MAN1C1: variants seen among roughly 807,000 people sequenced by gnomAD.
MAN1C1 encodes mannosidase alpha class 1C member 1, also known as mannosyl-oligosaccharide 1,2-alpha-mannosidase IC.
In MAN1C1, 49 loss-of-function variants were observed where a neutral mutation model predicts 71.5. The ratio of observed to expected loss-of-function variants is 0.69; its 90% CI spans 0.54 to 0.87. The LOEUF is 0.87. Ranked by LOEUF, MAN1C1 falls within the 40% of genes least tolerant of loss-of-function variation. The probability of loss-of-function intolerance (pLI) is 0.00; values close to 1 mark genes in which losing one functional copy is unlikely to be tolerated. For synonymous variants in MAN1C1, 352 were observed against 343.7 expected, an observed-to-expected ratio of 1.02 and a Z score of -0.27; for missense variants, 743 against 835.0, an observed-to-expected ratio of 0.89 and a Z score of 1.36.
chr1:25,624,309 G>GT (rs1459418954), intron 1 of MAN1C1, among the ~76,000 whole-genome samples: 7 of 152,154 alleles, frequency 4.6e-5, no homozygotes, highest in Non-Finnish European at 1.0e-4. Flanking sequence ...TGAGATTGCT[G>GT]TTAAGTCAGA....
At chr1:25,683,834 C>A (rs2046190229) in intron 1 of MAN1C1, among the ~76,000 whole-genome samples, 1 of 152,194 alleles carries the variant, frequency 6.6e-6, no homozygotes, top group South Asian at 2.1e-4. Flanking sequence ...CTGAGCCACC[C>A]ATGGCCGGAG....
intron 6 of MAN1C1, among the ~76,000 whole-genome samples, chr1:25,761,883 A>G (rs1193285455): frequency 1.3e-5 from 2 of 151,914 alleles, no homozygotes; most frequent in Non-Finnish European, 2.9e-5. Flanking sequence ...TCGGCCTCCC[A>G]AAGTGCTGGG....
chr1:25,640,491 C>G (rs1445836876), intron 1 of MAN1C1, among the ~76,000 whole-genome samples: 1 of 152,134 alleles, frequency 6.6e-6, no homozygotes, highest in Non-Finnish European at 1.5e-5. Context: ...TGTCACATAC[C>G]TTACAGAGCT....
intron 2 of MAN1C1, among the ~76,000 whole-genome samples, chr1:25,736,490 C>T (rs1179930857): frequency 1.3e-5 from 2 of 152,090 alleles, no homozygotes; most frequent in Admixed American, 6.6e-5. Context: ...ATCACCATAC[C>T]ACCCTAAAAG....
chr1:25,636,911 T>C (rs924855773), intron 1 of MAN1C1, among the ~76,000 whole-genome samples: 7 of 152,158 alleles, frequency 4.6e-5, no homozygotes, highest in African/African-American at 1.2e-4. Flanking sequence ...TCCCAGTACT[T>C]TGGGAGGCCG....
At chr1:25,652,477 G>A (rs1322447251) in intron 1 of MAN1C1, among the ~76,000 whole-genome samples, 1 of 152,200 alleles carries the variant, frequency 6.6e-6, no homozygotes, top group African/African-American at 2.4e-5. Flanking sequence ...CAGGCTGGAG[G>A]CCCCCAGCAC....
chr1:25,648,789 C>G (rs549851354), intron 1 of MAN1C1, among the ~76,000 whole-genome samples: 1 of 152,332 alleles, frequency 6.6e-6, no homozygotes, highest in East Asian at 1.9e-4. Flanking sequence ...AAAAAATCTC[C>G]TCATGTGCCT....
intron 1 of MAN1C1, among the ~76,000 whole-genome samples, chr1:25,663,112 T>A (rs1215224458): frequency 6.7e-6 from 1 of 148,188 alleles, no homozygotes; most frequent in Non-Finnish European, 1.5e-5. Flanking sequence ...TATACATATA[T>A]ATATTTTATT....
intron 2 of MAN1C1, among the ~76,000 whole-genome samples, chr1:25,697,534 A>G (rs767897304): frequency 6.6e-6 from 1 of 152,208 alleles, no homozygotes; most frequent in Non-Finnish European, 1.5e-5. Context: ...GCTTTTGTGT[A>G]GACATAGGTT....
chr1:25,637,272 T>G (rs910899545), intron 1 of MAN1C1, among the ~76,000 whole-genome samples: 2 of 152,248 alleles, frequency 1.3e-5, no homozygotes, highest in Non-Finnish European at 2.9e-5. Flanking sequence ...TTATTAATTT[T>G]CAGTCTTTAT....
chr1:25,666,320 G>A (rs762191269), intron 1 of MAN1C1, among the ~76,000 whole-genome samples: 21 of 152,010 alleles, frequency 1.4e-4, no homozygotes, highest in African/African-American at 3.9e-4. Context: ...TTTTCACTTA[G>A]TGACTTCACA....
In MAN1C1 at chr1:25,735,832, G is replaced by T. The variant is rs56094751; in HGVS notation, c.638-10836G>T. Among the ~76,000 whole-genome samples, 1 of 152,218 alleles carries T rather than the reference G, an allele frequency of 6.6e-6. No individual in the cohort carries two copies. The highest frequency in any genetic ancestry group is 1.5e-5 in the Non-Finnish European group (1 of 68,036). ...AGCCCAGCCATGCAAGCATGTTTCA[G>T]ATCATGTCCTCTAATCCCTGTGGCA... On this transcript the variant is annotated intron_variant, in intron 2 of 11. Transcript: ENST00000374332. This position sits in a 1 kb window ranked among gnomAD's most constrained non-coding sequence, Gnocchi z 4.6.
At chr1:25,628,134 G>A (rs891748739) in intron 1 of MAN1C1, among the ~76,000 whole-genome samples, 2 of 151,870 alleles carry the variant, frequency 1.3e-5, no homozygotes, top group African/African-American at 4.8e-5. Flanking sequence ...CTATGAATGT[G>A]GTATCTGTCT....
intron 4 of MAN1C1, among the ~76,000 whole-genome samples, chr1:25,752,170 A>C (rs1475410092): frequency 2.0e-5 from 3 of 152,028 alleles, no homozygotes; most frequent in Non-Finnish European, 4.4e-5. Flanking sequence ...TTGGCACGGC[A>C]CTTCACAGTT....
At chr1:25,677,024 G>C (rs1373755565) in intron 1 of MAN1C1, among the ~76,000 whole-genome samples, 3 of 152,160 alleles carry the variant, frequency 2.0e-5, no homozygotes, top group Non-Finnish European at 2.9e-5. Context: ...ATCTGTGCCT[G>C]GGTGATCGAT....
intron 2 of MAN1C1, among the ~76,000 whole-genome samples, chr1:25,713,904 T>C (rs1481393649): frequency 6.6e-6 from 1 of 152,156 alleles, no homozygotes; most frequent in Non-Finnish European, 1.5e-5. Context: ...TGACTGGAGC[T>C]TCCGAGGGAG....
rs182999067 is a variant in MAN1C1, at chr1:25,744,767, C to T, written c.638-1901C>T. 4.1e-4 allele frequency among the ~76,000 whole-genome samples: 63 copies of T among 152,334 alleles called. No individual in the cohort carries two copies. The East Asian group carries it at 0.012, about 29-fold the overall frequency. On this transcript the variant is annotated intron_variant, in intron 2 of 11. Transcript: ENST00000374332. ...TCAACACAAGTGAGCAGTTAGGAAG[C>T]ACTCATTAAGGAGATTAGAGGCTAA...
intron 2 of MAN1C1, among the ~76,000 whole-genome samples, chr1:25,737,402 C>A (rs892136943): frequency 2.0e-5 from 3 of 152,102 alleles, no homozygotes; most frequent in Non-Finnish European, 2.9e-5. Context: ...CCCATTTCGC[C>A]CCCCCGACAG....
At chr1:25,763,777 C>A in intron 6 of MAN1C1, 97 bp from the exon 7 acceptor site, 1 of 927,866 alleles carries the variant, frequency 1.1e-6, no homozygotes, top group South Asian at 1.4e-5. Flanking sequence ...AGGTTTCCTC[C>A]ATGCATCTGA....
Sources: allele counts gnomAD v4.1 joint callset (sites outside exome capture counted in the v4.1 genomes callset), GRCh38; gene constraint gnomAD v4.1.1; non-coding constraint Gnocchi (gnomAD v3.1); transcripts MANE v1.5; gene names NCBI Gene and HGNC (gene_info 2026-07-23, HGNC 2026-07-21).